LMX1A: variants seen among roughly 807,000 people sequenced by gnomAD.
LMX1A encodes the protein LIM homeobox transcription factor 1 alpha.
A neutral mutation model predicts 49.1 loss-of-function variants in LMX1A; 15 were observed. The ratio of observed to expected loss-of-function variants is 0.31; its 90% CI spans 0.20 to 0.47. LMX1A has a LOEUF of 0.47. Among genes scored for constraint, LMX1A ranks in the 20% least tolerant of loss-of-function variants. LMX1A has a pLI of 1.00. For missense variants in LMX1A, 372 were observed against 475.8 expected, an observed-to-expected ratio of 0.78 and a Z score of 2.03; for synonymous variants, 167 against 185.7, an observed-to-expected ratio of 0.90 and a Z score of 0.82.
intron 4 of LMX1A, among the ~76,000 whole-genome samples, chr1:165,222,005 T>A (rs1030579174): frequency 6.6e-6 from 1 of 151,950 alleles, no homozygotes; most frequent in Non-Finnish European, 1.5e-5. Context: ...AATTTTTCCA[T>A]CTCTTTCTCT....
intron 3 of LMX1A, among the ~76,000 whole-genome samples, chr1:165,295,107 A>G (rs532234905): frequency 1.0e-3 from 154 of 152,348 alleles, no homozygotes; most frequent in African/African-American, 3.6e-3. Flanking sequence ...ATTATATGGT[A>G]TAAGACTTCA....
intron 4 of LMX1A, among the ~76,000 whole-genome samples, chr1:165,214,433 C>T (rs916000883): frequency 6.6e-6 from 1 of 152,188 alleles, no homozygotes; most frequent in Non-Finnish European, 1.5e-5. Flanking sequence ...TGAAAATGTA[C>T]TAATACAGGC....
At chr1:165,257,554 T>C (rs575875207) in intron 3 of LMX1A, among the ~76,000 whole-genome samples, 31 of 152,240 alleles carry the variant, frequency 2.0e-4, no homozygotes, top group African/African-American at 7.2e-4. Flanking sequence ...AAATAGTGTG[T>C]GGGGACACTC....
chr1:165,297,766 A>G (rs922993301), intron 3 of LMX1A, among the ~76,000 whole-genome samples: 1 of 152,208 alleles, frequency 6.6e-6, no homozygotes, highest in African/African-American at 2.4e-5. Flanking sequence ...AGGGAGAAGA[A>G]GGCTCACTCT....
chr1:165,246,545 G>C (rs1052617476), intron 4 of LMX1A, among the ~76,000 whole-genome samples: 6 of 152,080 alleles, frequency 3.9e-5, no homozygotes, highest in African/African-American at 1.4e-4. Flanking sequence ...CTAATAATTA[G>C]AACGACATTC....
chr1:165,261,577 G>A (rs1027280405), intron 3 of LMX1A, among the ~76,000 whole-genome samples: 2 of 152,224 alleles, frequency 1.3e-5, no homozygotes, highest in African/African-American at 4.8e-5. Flanking sequence ...TCAAGGAGAG[G>A]TTTGTATGCC....
At chr1:165,269,408 T>G (rs2101693937) in intron 3 of LMX1A, among the ~76,000 whole-genome samples, 1 of 152,332 alleles carries the variant, frequency 6.6e-6, no homozygotes, top group Non-Finnish European at 1.5e-5. Flanking sequence ...CTGGTGACCC[T>G]TTAGATCAAC....
intron 3 of LMX1A, among the ~76,000 whole-genome samples, chr1:165,284,514 A>C (rs1259707096): frequency 6.6e-6 from 1 of 152,180 alleles, no homozygotes; most frequent in African/African-American, 2.4e-5. Context: ...CAGGCTGTGG[A>C]GGTCAGAGTT....
intron 4 of LMX1A, among the ~76,000 whole-genome samples, chr1:165,241,810 A>G (rs1652666097): frequency 6.6e-6 from 1 of 152,370 alleles, no homozygotes; most frequent in East Asian, 1.9e-4. Context: ...CGAATTGAAA[A>G]AAACAGTTCC....
intron 3 of LMX1A, among the ~76,000 whole-genome samples, chr1:165,288,470 G>C (rs891034186): frequency 6.6e-6 from 1 of 151,844 alleles, no homozygotes; most frequent in Non-Finnish European, 1.5e-5. Context: ...CTGTCTCCTC[G>C]GCAGCGGCTG....
intron 3 of LMX1A, among the ~76,000 whole-genome samples, chr1:165,351,456 A>G (rs1656423939): frequency 6.6e-6 from 1 of 152,254 alleles, no homozygotes; most frequent in African/African-American, 2.4e-5. Context: ...ACAACATGTC[A>G]ATAAACAGAC....
intron 3 of LMX1A, among the ~76,000 whole-genome samples, chr1:165,345,064 G>A (rs542098970): frequency 6.6e-6 from 1 of 152,334 alleles, no homozygotes; most frequent in African/African-American, 2.4e-5. Flanking sequence ...TGACAACAAT[G>A]CTAAGAATGA....
chr1:165,203,285 C>G lies in LMX1A; in HGVS notation c.*595G>C, dbSNP rs982119063. The G allele has an allele frequency of 6.5e-6, 1 of 152,692 alleles. No homozygotes were observed. Among genetic ancestry groups the G allele is most frequent in the African/African-American group, 2.4e-5 (1 of 41,448 alleles). The allele number at this position is 152,692 out of a possible 1,614,324, so 9.5% of individuals were successfully genotyped here. A position where few individuals can be genotyped will look rare whatever the true frequency, so the allele number is the denominator to read the frequency against. ...GCTAGGTGGAGCAGCCCTCTCTGCCCTGCTGACAAGTCTTGTCAAGCTAAA... is the reference window on the plus strand; with the variant it reads ...GCTAGGTGGAGCAGCCCTCTCTGCCGTGCTGACAAGTCTTGTCAAGCTAAA... On this transcript the variant is annotated 3_prime_UTR_variant, in exon 9 of 9. Coordinates refer to ENST00000342310, the MANE Select transcript of LMX1A (RefSeq NM_177398.4).
At chr1:165,282,611 T>G (rs1571200066) in intron 3 of LMX1A, among the ~76,000 whole-genome samples, 1 of 152,136 alleles carries the variant, frequency 6.6e-6, no homozygotes, top group African/African-American at 2.4e-5. Context: ...GTAACACAAA[T>G]ATAAGCTTCA....
intron 6 of LMX1A, among the ~76,000 whole-genome samples, chr1:165,209,984 G>A (rs1172806864): frequency 1.3e-5 from 2 of 152,230 alleles, no homozygotes; most frequent in African/African-American, 2.4e-5. Context: ...GGTATCCACT[G>A]CACAATTGAT....
intron 3 of LMX1A, among the ~76,000 whole-genome samples, chr1:165,299,022 T>C (rs1654702145): frequency 6.6e-6 from 1 of 152,176 alleles, no homozygotes; most frequent in African/African-American, 2.4e-5. Context: ...TCCCATTTTG[T>C]AGATGATAAA....
At chr1:165,249,359 C>T in intron 4 of LMX1A, 49 bp downstream of exon 4, 1 of 1,368,112 alleles carries the variant, frequency 7.3e-7, no homozygotes, top group South Asian at 1.2e-5. Context: ...AGCCACCCAA[C>T]TCCACTCTAC....
At position 165,355,708 on chromosome 1, in the gene LMX1A, G is replaced by T; in HGVS notation, c.-22-127C>A. On this transcript the variant is annotated intron_variant, in intron 1 of 8. Coordinates refer to ENST00000342310, the MANE Select transcript of LMX1A (RefSeq NM_177398.4). This position sits in a 1 kb window ranked among gnomAD's most constrained non-coding sequence, Gnocchi z 4.7. ...CGACCAGAATCAGCCAGGAGGATAG[G>T]GTCCAGCCAAGAGAATGTAGGGTGG... is the stretch of plus-strand genomic sequence containing the variant. 1.5e-6 allele frequency: 1 copy of T among 683,724 alleles called. No individual in the cohort carries two copies. Among genetic ancestry groups the T allele is most frequent in the Non-Finnish European group, 2.6e-6 (1 of 391,440 alleles). 42.4% of individuals were successfully genotyped at this position (683,724 alleles called of 1,614,324 possible).
chr1:165,208,928 T>A (rs1228346275), intron 6 of LMX1A, among the ~76,000 whole-genome samples: 1 of 152,212 alleles, frequency 6.6e-6, no homozygotes. Flanking sequence ...ATTACAAGCG[T>A]GAGCCACCAC....
Sources: allele counts gnomAD v4.1 joint callset (sites outside exome capture counted in the v4.1 genomes callset), GRCh38; gene constraint gnomAD v4.1.1; non-coding constraint Gnocchi (gnomAD v3.1); transcripts MANE v1.5; gene names NCBI Gene and HGNC (gene_info 2026-07-23, HGNC 2026-07-21).